Variants in KLHL6 observed in about 807,000 individuals in gnomAD.
The protein encoded by KLHL6 is kelch-like protein 6.
In KLHL6, 41 loss-of-function variants were observed where a neutral mutation model predicts 58.6. The ratio of observed to expected loss-of-function variants is 0.70; its 90% CI spans 0.55 to 0.91. The LOEUF (loss-of-function observed/expected upper bound fraction) is 0.91, where lower values mean the gene tolerates loss of function less well. Among genes scored for constraint, KLHL6 ranks in the 40% least tolerant of loss-of-function variants. KLHL6 has a pLI of 0.00. For synonymous variants in KLHL6, 338 were observed against 322.7 expected (o/e 1.05, Z -0.51); for missense variants, 714 against 805.6 (o/e 0.89, Z 1.38).
At position 183,508,085 on chromosome 3, in the gene KLHL6, T is replaced by C. The variant is rs1718061946; in HGVS notation, c.883A>G (p.Arg295Gly). ...PEVFPLLQEA[R>G]MYHLSGNEII... ...TCATTGCCAGAAAGGTGGTACATCC[T>C]GGCTTCCTGGAGCAGCGGGAAGACC... is the stretch of plus-strand genomic sequence containing the variant. Residue 295 changes from arginine to glycine, a missense_variant, in exon 3 of 7, where the codon AGG becomes GGG. Physicochemically the swap from Arg to Gly is moderately radical, Grantham distance 125 (BLOSUM62 -2). This residue lies in a region of KLHL6 where 510 missense variants were observed against 629.7 expected (regional missense o/e 0.81). Transcript: ENST00000341319. The C allele has an allele frequency of 6.2e-7, 1 of 1,614,008 alleles. No individual in the cohort carries two copies. The highest frequency in any genetic ancestry group is 8.5e-7 in the Non-Finnish European group (1 of 1,179,960).
intron 5 of KLHL6, 72 bp downstream of exon 5, chr3:183,494,007 C>T (rs943372330): frequency 2.2e-5 from 30 of 1,389,554 alleles, no homozygotes; most frequent in African/African-American, 1.3e-4. Context: ...ACGGCAGGCA[C>T]GTTCCAAAGC....
intron 1 of KLHL6, among the ~76,000 whole-genome samples, chr3:183,530,802 A>C (rs527878309): frequency 1.1e-3 from 174 of 152,036 alleles, no homozygotes; most frequent in African/African-American, 4.1e-3. Context: ...ACGGTAAAAA[A>C]CAATGAGGTA....
chr3:183,553,248 T>C (rs1712996832), intron 1 of KLHL6, among the ~76,000 whole-genome samples: 1 of 152,182 alleles, frequency 6.6e-6, no homozygotes, highest in Non-Finnish European at 1.5e-5. Context: ...GTTCTCCAGC[T>C]TCTCATTGCC....
intron 2 of KLHL6, among the ~76,000 whole-genome samples, chr3:183,514,571 A>G (rs1202428484): frequency 6.6e-6 from 1 of 152,098 alleles, no homozygotes; most frequent in Non-Finnish European, 1.5e-5. Context: ...CAACAGAGAA[A>G]TCCCCCTGTA....
At chr3:183,516,782 G>T (rs55735251) in intron 2 of KLHL6, among the ~76,000 whole-genome samples, 1 of 152,220 alleles carries the variant, frequency 6.6e-6, no homozygotes, top group Non-Finnish European at 1.5e-5. Context: ...TGGCTTTGGC[G>T]TTATTGCAAA....
chr3:183,534,950 A>ATATATATTTT (rs1356557331), intron 1 of KLHL6, among the ~76,000 whole-genome samples: 6 of 96,738 alleles, frequency 6.2e-5, no homozygotes, highest in African/African-American at 1.8e-4. Context: ...ATATATATAT[A>ATATATATTTT]TTTTTTTTTT....
At chr3:183,515,448 T>G (rs1711533959) in intron 2 of KLHL6, among the ~76,000 whole-genome samples, 1 of 152,118 alleles carries the variant, frequency 6.6e-6, no homozygotes. Flanking sequence ...CTTGGGAAGC[T>G]GAGGAGGGAG....
At position 183,489,090 on chromosome 3, in the gene KLHL6, T is replaced by C. The variant is rs185367004; in HGVS notation, c.*2837A>G. On this transcript the variant is annotated 3_prime_UTR_variant, in exon 7 of 7. Coordinates refer to ENST00000341319, the MANE Select transcript of KLHL6 (RefSeq NM_130446.4). Reference sequence around the variant, plus strand: ...ATCCCAAATCCTCACTTTCCCAGCATAGGGTTGACCTGCTGATGGGCTCGA... The same window carrying C: ...ATCCCAAATCCTCACTTTCCCAGCACAGGGTTGACCTGCTGATGGGCTCGA... 2 of 152,200 alleles carry C rather than the reference T, an allele frequency of 1.3e-5. No homozygotes were observed. The highest frequency in any genetic ancestry group is 2.4e-5 in the African/African-American group (1 of 41,440). 9.4% of individuals were successfully genotyped at this position (152,200 alleles called of 1,614,324 possible).
intron 3 of KLHL6, among the ~76,000 whole-genome samples, chr3:183,503,557 A>C (rs539057597): frequency 1.4e-3 from 214 of 152,342 alleles, no homozygotes; most frequent in African/African-American, 4.6e-3. Flanking sequence ...AGGCAGGCAG[A>C]TCACCTGAGG....
chr3:183,555,568 T>C lies in KLHL6; in HGVS notation c.86A>G (p.Asp29Gly). The change falls in exon 1 of 7, where the codon GAT (aspartate) becomes GGT (glycine). Residue 29 changes from aspartate to glycine, a missense_variant. Coordinates refer to ENST00000341319, the MANE Select transcript of KLHL6 (RefSeq NM_130446.4). ...SLEGPLAPST[D>G]EPSQKTGDLV... ...GTCTCCTGTTTTCTGGGAGGGCTCA[T>C]CTGTAGAAGGTGCCAGGGGCCCTTC... 1 of 1,614,166 alleles carries C rather than the reference T, an allele frequency of 6.2e-7. No individual in the cohort carries two copies. The highest frequency in any genetic ancestry group is 8.5e-7 in the Non-Finnish European group (1 of 1,180,024).
chr3:183,532,584 A>G (rs1712197404), intron 1 of KLHL6, among the ~76,000 whole-genome samples: 3 of 152,214 alleles, frequency 2.0e-5, no homozygotes, highest in Admixed American at 2.0e-4. Flanking sequence ...AGAGAAGGAA[A>G]ATTCTGAAAT....
intron 3 of KLHL6, among the ~76,000 whole-genome samples, chr3:183,506,093 A>G (rs1442660316): frequency 6.6e-6 from 1 of 152,376 alleles, no homozygotes; most frequent in East Asian, 1.9e-4. Flanking sequence ...GCTTCTACCA[A>G]TGGCCTAATG....
chr3:183,545,102 C>T (rs1712676994), intron 1 of KLHL6, among the ~76,000 whole-genome samples: 1 of 152,138 alleles, frequency 6.6e-6, no homozygotes, highest in Non-Finnish European at 1.5e-5. Context: ...GCAGGCTGCA[C>T]GAAAGGGCCT....
rs751637579 is a variant in KLHL6, at chr3:183,508,414, G to T, written c.554C>A (p.Ser185Ter). Residue 185 changes from serine to a stop codon, truncating the protein, a stop_gained, in exon 3 of 7, where the codon TCG becomes TAG. Transcript: ENST00000341319. LOFTEE classifies it high-confidence loss of function. ...VGILRLADTHSLDSLKKQVQS... is the reference protein window; with the variant it reads ...VGILRLADTH ...AACCTGCTTCTTTAGACTGTCCAGC[G>T]AGTGTGTGTCAGCCAGCCTCAGTAT... 1.5e-5 allele frequency: 24 copies of T among 1,614,108 alleles called. No individual in the cohort carries two copies. The highest frequency in any genetic ancestry group is 2.0e-5 in the Non-Finnish European group (24 of 1,180,036).
chr3:183,555,220 T>C (rs1224116093), intron 1 of KLHL6, 141 bp downstream of exon 1: 4 of 549,004 alleles, frequency 7.3e-6, no homozygotes, highest in African/African-American at 5.8e-5. Flanking sequence ...TCCTTTCTTA[T>C]ATTTTAAGTA....
intron 4 of KLHL6, among the ~76,000 whole-genome samples, chr3:183,497,306 G>A (rs1717740971): frequency 1.3e-5 from 2 of 152,220 alleles, no homozygotes; most frequent in Admixed American, 1.3e-4. Context: ...CAGCTACTCA[G>A]GAGGCTGAGG....
chr3:183,539,437 C>T (rs552772887), intron 1 of KLHL6, among the ~76,000 whole-genome samples: 3 of 152,258 alleles, frequency 2.0e-5, no homozygotes, highest in Admixed American at 6.5e-5. Context: ...GGGCCAGGCA[C>T]GGTGGCCCAT....
At chr3:183,513,394 C>G (rs1319583506) in intron 2 of KLHL6, among the ~76,000 whole-genome samples, 1 of 152,242 alleles carries the variant, frequency 6.6e-6, no homozygotes, top group Non-Finnish European at 1.5e-5. Flanking sequence ...GTTTTTTATA[C>G]TATTTCAAGC....
At chr3:183,550,853 G>A (rs1471606032) in intron 1 of KLHL6, among the ~76,000 whole-genome samples, 1 of 152,058 alleles carries the variant, frequency 6.6e-6, no homozygotes, top group Non-Finnish European at 1.5e-5. Context: ...GGGCGCAGTG[G>A]CTCACGCCTG....
Sources: gnomAD v4.1 joint callset for allele counts (sites outside exome capture counted in the v4.1 genomes callset) on GRCh38, gnomAD v4.1.1 for gene constraint, gnomAD v4.1.1 regional missense constraint, MANE v1.5 for transcripts, NCBI Gene and HGNC (gene_info 2026-07-23, HGNC 2026-07-21) for gene names.